MALRD1: variants seen among roughly 807,000 people sequenced by gnomAD.
MALRD1 encodes the protein MAM and LDL receptor class A domain containing 1, also known as MAM and LDL-receptor class A domain-containing protein 1.
A neutral mutation model predicts 242.1 loss-of-function variants in MALRD1; 247 were observed. That is an observed-to-expected ratio of 1.02 (90% CI 0.92 to 1.13). The LOEUF is 1.13. MALRD1 is among the 50% of genes most tolerant of loss of function. The probability of loss-of-function intolerance (pLI) is 0.00; values close to 1 mark genes in which losing one functional copy is unlikely to be tolerated. For synonymous variants in MALRD1, 995 were observed against 866.6 expected, an observed-to-expected ratio of 1.15 and a Z score of -2.60; for missense variants, 2,989 against 2,533.1, an observed-to-expected ratio of 1.18 and a Z score of -3.86.
chr10:19,342,869 A>G (rs545916152), intron 24 of MALRD1, among the ~76,000 whole-genome samples: 79 of 152,244 alleles, frequency 5.2e-4, no homozygotes, highest in African/African-American at 1.6e-3. Flanking sequence ...GGCAAGTCTT[A>G]GGATAATATT....
In MALRD1 at chr10:19,719,053, C is replaced by A. The variant is rs1241679217; in HGVS notation, c.6315-11653C>A. On this transcript the variant is annotated intron_variant, in intron 38 of 39. Transcript: ENST00000454679. ...CGGTACGTGGCTGTAGGGCTAGATA[C>A]CCAAGAGGCTGAGTAGGGAGGATTG... 3.3e-5 allele frequency among the ~76,000 whole-genome samples: 5 copies of A among 149,964 alleles called. No individual in the cohort carries two copies. The East Asian group carries it at 7.9e-4, about 24-fold the overall frequency.
intron 36 of MALRD1, among the ~76,000 whole-genome samples, chr10:19,616,716 T>C (rs1839174029): frequency 6.6e-6 from 1 of 152,034 alleles, no homozygotes; most frequent in African/African-American, 2.4e-5. Context: ...TCGTTATTCC[T>C]GTCTTAATCA....
At chr10:19,249,344 G>A (rs1247700836) in intron 18 of MALRD1, among the ~76,000 whole-genome samples, 1 of 151,686 alleles carries the variant, frequency 6.6e-6, no homozygotes, top group Non-Finnish European at 1.5e-5. Flanking sequence ...AAAGTAAAAG[G>A]ATGCAGGATT....
intron 26 of MALRD1, among the ~76,000 whole-genome samples, chr10:19,357,383 A>AT (rs1844684976): frequency 6.6e-6 from 1 of 151,998 alleles, no homozygotes; most frequent in Non-Finnish European, 1.5e-5. Flanking sequence ...CAAAAAAAAA[A>AT]GTCTCATTTT....
intron 32 of MALRD1, 63 bp from the exon 33 acceptor site, chr10:19,567,439 T>G (rs1185380033): frequency 1.3e-5 from 18 of 1,351,044 alleles, no homozygotes; most frequent in Non-Finnish European, 1.6e-5. Context: ...TCATCAATCA[T>G]CTGGATGTCC....
Position 19,093,904 on chromosome 10 carries a change from G to A in MALRD1, c.597+5719G>A, listed in dbSNP as rs1183782219. On this transcript the variant is annotated intron_variant, in intron 4 of 39. Coordinates refer to ENST00000454679, the MANE Select transcript of MALRD1 (RefSeq NM_001142308.3). ...GGGGTGCCTCCCAGTTAGGCTGCTCGGGGGTCAGGGGTCAGGGACCCACTT... is the reference window on the plus strand; with the variant it reads ...GGGGTGCCTCCCAGTTAGGCTGCTCAGGGGTCAGGGGTCAGGGACCCACTT... 6.4e-4 allele frequency among the ~76,000 whole-genome samples: 63 copies of A among 97,956 alleles called. 9 individuals carry two copies. In the South Asian group the frequency reaches 9.3e-3, roughly 15 times the overall value. 64.3% of individuals were successfully genotyped at this position (97,956 alleles called of 152,430 possible).
intron 36 of MALRD1, among the ~76,000 whole-genome samples, chr10:19,646,684 AGG>A (rs1840674901): frequency 1.3e-5 from 2 of 152,120 alleles, no homozygotes; most frequent in Non-Finnish European, 2.9e-5. Flanking sequence ...CAACAATAGG[AGG>A]TAAGTACTGT....
intron 31 of MALRD1, among the ~76,000 whole-genome samples, chr10:19,506,684 A>G (rs3852462): frequency 0.45 from 67,660 of 151,978 alleles, 16,005 homozygotes; most frequent in Non-Finnish European, 0.53. Flanking sequence ...GTTAGATATG[A>G]TAATAAGTGT....
At chr10:19,125,298 CTTCCTTCCTTCCTTCCTTCCTTCCTTCT>C (rs1564407758) in intron 7 of MALRD1, among the ~76,000 whole-genome samples, 11 of 49,792 alleles carry the variant, frequency 2.2e-4, no homozygotes, top group African/African-American at 1.2e-3. Context: ...TCTTTCCTTC[CTTCCTTCCTTCCTTCCTTCCTTCCTTCT>C]TTCTTTCTTT....
chr10:19,331,558 T>G lies in MALRD1; in HGVS notation c.3877T>G (p.Ser1293Ala). The change falls in exon 24 of 40, where the codon TCA (serine) becomes GCA (alanine). Residue 1293 changes from serine (S) to alanine (A), a missense_variant. Physicochemically the swap from Ser to Ala is moderately conservative, Grantham distance 99. Coordinates refer to ENST00000454679, the MANE Select transcript of MALRD1 (RefSeq NM_001142308.3). ...TTTTGTGAATGATTGTGCTGATAAT[T>G]CAGATGAGACTACTTTCATTTGCCG... Reference protein sequence around the residue: ...CDFVNDCADNSDETTFICRTS... With the variant: ...CDFVNDCADNADETTFICRTS... 6.5e-7 allele frequency: 1 copy of G among 1,550,290 alleles called. No individual in the cohort carries two copies. The highest frequency in any genetic ancestry group is 8.7e-7 in the Non-Finnish European group (1 of 1,146,790).
intron 33 of MALRD1, among the ~76,000 whole-genome samples, chr10:19,589,961 C>G (rs1837676008): frequency 6.6e-6 from 1 of 152,170 alleles, no homozygotes; most frequent in African/African-American, 2.4e-5. Context: ...AGGAAGCTAA[C>G]TACTGTCAGG....
intron 21 of MALRD1, among the ~76,000 whole-genome samples, chr10:19,302,892 TTAAC>T (rs1466502192): frequency 1.3e-5 from 2 of 151,730 alleles, no homozygotes; most frequent in Admixed American, 1.3e-4. Context: ...ATAAGATTTT[TTAAC>T]TAACAACTAA....
chr10:19,731,226 A>G (rs1835282916), intron 39 of MALRD1, among the ~76,000 whole-genome samples: 1 of 152,210 alleles, frequency 6.6e-6, no homozygotes, highest in African/African-American at 2.4e-5. Flanking sequence ...CTGATAACTT[A>G]GAAGAGAAAA....
chr10:19,128,071 G>T (rs1250530345), intron 7 of MALRD1, 150 bp from the exon 8 acceptor site: 1 of 429,306 alleles, frequency 2.3e-6, no homozygotes, highest in Non-Finnish European at 3.9e-6. Flanking sequence ...ATTTGTAGTT[G>T]ATGTAATCAT....
chr10:19,414,080 A>G lies in MALRD1; in HGVS notation c.4845+24471A>G, dbSNP rs1020807798. Among the ~76,000 whole-genome samples the G allele has an allele frequency of 2.6e-5, 4 of 152,022 alleles. No individual in the cohort carries two copies. In the East Asian group the frequency reaches 7.7e-4, roughly 29 times the overall value. On this transcript the variant is annotated intron_variant, in intron 28 of 39. Coordinates refer to ENST00000454679, the MANE Select transcript of MALRD1 (RefSeq NM_001142308.3). Reference sequence around the variant, plus strand: ...AAAAGTTCAATTTCCTCTTAAATGTAGTAGATCATTTAGTAGTTTTATCAG... The same window carrying G: ...AAAAGTTCAATTTCCTCTTAAATGTGGTAGATCATTTAGTAGTTTTATCAG...
At chr10:19,158,448 G>C (rs1244093585) in intron 12 of MALRD1, among the ~76,000 whole-genome samples, 1 of 152,220 alleles carries the variant, frequency 6.6e-6, no homozygotes, top group Non-Finnish European at 1.5e-5. Context: ...ACCAGAGATA[G>C]GTTGGATCCC....
intron 14 of MALRD1, among the ~76,000 whole-genome samples, chr10:19,193,100 C>T (rs960856700): frequency 6.6e-6 from 1 of 152,080 alleles, no homozygotes; most frequent in Non-Finnish European, 1.5e-5. Context: ...ACAGATTTTT[C>T]AAATATTTCT....
intron 18 of MALRD1, among the ~76,000 whole-genome samples, chr10:19,232,755 A>G (rs1373745808): frequency 2.6e-5 from 4 of 152,202 alleles, no homozygotes; most frequent in Non-Finnish European, 5.9e-5. Context: ...ACATACAAGC[A>G]TGCAGATGAA....
At chr10:19,175,560 A>C (rs1835196932) in intron 14 of MALRD1, among the ~76,000 whole-genome samples, 1 of 150,614 alleles carries the variant, frequency 6.6e-6, no homozygotes. Context: ...CTTGCAGCTG[A>C]AATTATTGCA....
Sources: gnomAD v4.1 joint callset for allele counts (sites outside exome capture counted in the v4.1 genomes callset) on GRCh38, gnomAD v4.1.1 for gene constraint, MANE v1.5 for transcripts, NCBI Gene and HGNC (gene_info 2026-07-23, HGNC 2026-07-21) for gene names.